Variants in INPP5A observed in about 807,000 individuals in gnomAD.
INPP5A encodes the protein inositol polyphosphate-5-phosphatase A.
A neutral mutation model predicts 65.2 loss-of-function variants in INPP5A; 14 were observed. The observed-to-expected ratio is 0.21, with a 90% CI of 0.14 to 0.34. The LOEUF (loss-of-function observed/expected upper bound fraction) is 0.34, where lower values mean the gene tolerates loss of function less well. Among genes scored for constraint, INPP5A ranks in the 10% least tolerant of loss-of-function variants. The probability of loss-of-function intolerance (pLI) is 1.00; values close to 1 mark genes in which losing one functional copy is unlikely to be tolerated. For synonymous variants in INPP5A, 207 were observed against 208.3 expected (o/e 0.99, Z 0.05); for missense variants, 431 against 545.6 (o/e 0.79, Z 2.09).
intron 8 of INPP5A, among the ~76,000 whole-genome samples, chr10:132,722,699 A>G (rs1845909028): frequency 2.6e-5 from 4 of 152,208 alleles, no homozygotes. Context: ...TGCTGGGACG[A>G]TGAGGCAGCC....
At chr10:132,645,400 A>G (rs1450626201) in intron 2 of INPP5A, among the ~76,000 whole-genome samples, 1 of 152,138 alleles carries the variant, frequency 6.6e-6, no homozygotes. Flanking sequence ...ACATGTGTAC[A>G]CACACATGCT....
intron 2 of INPP5A, among the ~76,000 whole-genome samples, chr10:132,631,968 G>A (rs1436354663): frequency 6.6e-6 from 1 of 152,222 alleles, no homozygotes; most frequent in African/African-American, 2.4e-5. Context: ...GGTCACGCAT[G>A]CCAGTGTCAT....
In INPP5A at chr10:132,697,928, C is replaced by T. The variant is rs115254740; in HGVS notation, c.474+9C>T. ...AGGACTACTTCCCCGAGGTACGTAG[C>T]GAGGCTTTCTCACTGACGTGTTTAC... On this transcript the variant is annotated intron_variant, in intron 6 of 15. Coordinates refer to ENST00000368594, the MANE Select transcript of INPP5A (RefSeq NM_005539.5). The surrounding 1 kb of genome is among the most constrained non-coding windows in gnomAD (Gnocchi z 5.6). 2.1e-4 allele frequency: 338 copies of T among 1,575,064 alleles called. 1 individual carries two copies. The African/African-American group carries it at 4.0e-3, about 19-fold the overall frequency.
chr10:132,685,456 C>T (rs1012359206), intron 4 of INPP5A, among the ~76,000 whole-genome samples: 5 of 152,226 alleles, frequency 3.3e-5, no homozygotes, highest in African/African-American at 4.8e-5. Flanking sequence ...TCCCTTAGCG[C>T]GGGGTCTGTG....
intron 9 of INPP5A, among the ~76,000 whole-genome samples, chr10:132,744,401 C>T (rs1238774975): frequency 6.6e-6 from 1 of 152,118 alleles, no homozygotes; most frequent in Non-Finnish European, 1.5e-5. Flanking sequence ...TCAGGAATTC[C>T]AGGACCCCCG....
rs879074280 is a variant in INPP5A, at chr10:132,782,233, A to G, written c.*204A>G. ...TCACTGTCTCGTCTGTCTATGTGAC[A>G]TTAAGTAGAAATATTGGTTTTTTTT... is the stretch of plus-strand genomic sequence containing the variant. On this transcript the variant is annotated 3_prime_UTR_variant, in exon 16 of 16. Transcript: ENST00000368594. This position sits in a 1 kb window ranked among gnomAD's most constrained non-coding sequence, Gnocchi z 4.4. The G allele has an allele frequency of 5.2e-6, 3 of 577,868 alleles. No individual in the cohort carries two copies. The highest frequency in any genetic ancestry group is 4.1e-5 in the East Asian group (1 of 24,196). 35.8% of individuals were successfully genotyped at this position (577,868 alleles called of 1,614,324 possible).
chr10:132,596,945 GTGTGTGCA>G (rs1564929066), intron 1 of INPP5A, among the ~76,000 whole-genome samples: 6 of 130,728 alleles, frequency 4.6e-5, no homozygotes, highest in East Asian at 2.1e-4. Context: ...GCATGTGTGC[GTGTGTGCA>G]CACATGTGTG....
intron 4 of INPP5A, among the ~76,000 whole-genome samples, chr10:132,657,665 ACT>A (rs1329095978): frequency 6.6e-6 from 1 of 151,434 alleles, no homozygotes; most frequent in African/African-American, 2.4e-5. Context: ...TCCCCCTTCC[ACT>A]CTCGTTCTCC....
At position 132,755,615 on chromosome 10, in the gene INPP5A, GGTGT is replaced by G. The variant is rs55717463; in HGVS notation, c.903+5784_903+5787del. ...GCAGGCATATGCATATGAGTGAGTGGGTGTGTGTGTGTGTGTGAGCAGGCGTGTG... is the reference window on the plus strand; with the variant it reads ...GCAGGCATATGCATATGAGTGAGTGGGTGTGTGTGTGTGAGCAGGCGTGTG... On this transcript the variant is annotated intron_variant, in intron 11 of 15. Transcript: ENST00000368594. Among the ~76,000 whole-genome samples, 1,214 of 143,822 alleles carry G rather than the reference GGTGT, an allele frequency of 8.4e-3. 19 individuals carry two copies. The highest frequency in any genetic ancestry group is 0.028 in the African/African-American group (1,079 of 38,938). 94.4% of individuals were successfully genotyped at this position (143,822 alleles called of 152,430 possible). A position where few individuals can be genotyped will look rare whatever the true frequency, so the allele number is the denominator to read the frequency against.
At chr10:132,572,194 C>T (rs1013449690) in intron 1 of INPP5A, among the ~76,000 whole-genome samples, 2 of 152,226 alleles carry the variant, frequency 1.3e-5, no homozygotes, top group Admixed American at 6.5e-5. Flanking sequence ...AGAGGCTGGC[C>T]GGAGGGACCA....
intron 11 of INPP5A, among the ~76,000 whole-genome samples, chr10:132,759,729 CG>C (rs1435833730): frequency 1.3e-5 from 2 of 151,934 alleles, no homozygotes; most frequent in African/African-American, 4.8e-5. Context: ...GCAGGAGCCC[CG>C]GCCGTAAGCA....
At chr10:132,589,668 G>A (rs961087633) in intron 1 of INPP5A, among the ~76,000 whole-genome samples, 1 of 152,250 alleles carries the variant, frequency 6.6e-6, no homozygotes. Flanking sequence ...CCAGGGCCCA[G>A]GCAGTGCTTG....
intron 8 of INPP5A, among the ~76,000 whole-genome samples, chr10:132,723,512 AT>A (rs1289875856): frequency 1.1e-5 from 1 of 87,684 alleles, no homozygotes; most frequent in African/African-American, 4.7e-5. Flanking sequence ...GGGATTGGCC[AT>A]GTGGGGATTG....
chr10:132,682,068 C>T (rs978558253), intron 4 of INPP5A, among the ~76,000 whole-genome samples: 1 of 151,890 alleles, frequency 6.6e-6, no homozygotes, highest in African/African-American at 2.4e-5. Flanking sequence ...AAGGGGAGAG[C>T]GGGAAGGGAG....
chr10:132,596,856 T>C (rs1590855999), intron 1 of INPP5A, among the ~76,000 whole-genome samples: 3 of 86,140 alleles, frequency 3.5e-5, no homozygotes, highest in East Asian at 6.8e-4. Flanking sequence ...TGCGTGTGTG[T>C]GCATGTGTGT....
At chr10:132,579,607 C>G (rs2071456148) in intron 1 of INPP5A, among the ~76,000 whole-genome samples, 1 of 152,174 alleles carries the variant, frequency 6.6e-6, no homozygotes, top group African/African-American at 2.4e-5. Flanking sequence ...GCTTCTGCGG[C>G]TGGCTCCAGC....
Position 132,730,865 on chromosome 10 carries a change from G to A in INPP5A, c.732+3960G>A, listed in dbSNP as rs150844839. ...AGCACCGAGGGCAGCCCAGGAACCC[G>A]ATTTTTCACTTCATTTCATTTTAAT... On this transcript the variant is annotated intron_variant, in intron 9 of 15. Coordinates refer to ENST00000368594, the MANE Select transcript of INPP5A (RefSeq NM_005539.5). Among the ~76,000 whole-genome samples the A allele has an allele frequency of 1.2e-4, 19 of 152,322 alleles. No individual in the cohort carries two copies. In the East Asian group the frequency reaches 2.5e-3, roughly 20 times the overall value.
intron 1 of INPP5A, among the ~76,000 whole-genome samples, chr10:132,590,817 C>T (rs1183962558): frequency 6.6e-6 from 1 of 152,236 alleles, no homozygotes; most frequent in East Asian, 1.9e-4. Flanking sequence ...GTCTTTAGGG[C>T]AGCCTGCCGT....
At chr10:132,607,623 C>G (rs1031995029) in intron 1 of INPP5A, among the ~76,000 whole-genome samples, 1 of 152,256 alleles carries the variant, frequency 6.6e-6, no homozygotes, top group Non-Finnish European at 1.5e-5. Flanking sequence ...AACACAGAGC[C>G]TTCCCCTCCT....
Sources: allele counts gnomAD v4.1 joint callset (sites outside exome capture counted in the v4.1 genomes callset), GRCh38; gene constraint gnomAD v4.1.1; non-coding constraint Gnocchi (gnomAD v3.1); transcripts MANE v1.5; gene names NCBI Gene and HGNC (gene_info 2026-07-23, HGNC 2026-07-21).